Variants in COX16 observed in about 807,000 individuals in gnomAD.
The protein encoded by COX16 is cytochrome c oxidase assembly factor COX16.
A neutral mutation model predicts 15.4 loss-of-function variants in COX16; 12 were observed. The observed-to-expected ratio is 0.78, with a 90% CI of 0.50 to 1.26. The LOEUF (loss-of-function observed/expected upper bound fraction) is 1.26. Ranked by LOEUF, COX16 falls within the 50% of genes most tolerant of loss-of-function variation. The pLI is 0.00. For missense variants in COX16, 124 were observed against 127.6 expected (o/e 0.97, Z 0.14); for synonymous variants, 46 against 41.1 (o/e 1.12, Z -0.46).
At chr14:70,353,084 A>T (rs1887010146) in intron 1 of COX16, among the ~76,000 whole-genome samples, 1 of 151,928 alleles carries the variant, frequency 6.6e-6, no homozygotes, top group Non-Finnish European at 1.5e-5. Flanking sequence ...AATACGGTGA[A>T]ACCCCATCTC....
At chr14:70,331,456 G>A (rs934423882) in intron 2 of COX16, among the ~76,000 whole-genome samples, 2 of 151,884 alleles carry the variant, frequency 1.3e-5, no homozygotes, top group African/African-American at 4.8e-5. Context: ...TGAGCAAGAG[G>A]CCTCAATAGA....
chr14:70,336,829 C>T (rs1477906681), intron 2 of COX16, among the ~76,000 whole-genome samples: 1 of 152,170 alleles, frequency 6.6e-6, no homozygotes, highest in African/African-American at 2.4e-5. Context: ...CTTCCTGTAT[C>T]TTTATTTTCT....
intron 1 of COX16, among the ~76,000 whole-genome samples, chr14:70,353,923 C>G (rs1385050073): frequency 6.6e-6 from 1 of 151,902 alleles, no homozygotes; most frequent in Admixed American, 6.6e-5. Context: ...ACCAACAAAA[C>G]CTTGAGGTTA....
chr14:70,327,672 A>C (rs903942025), intron 3 of COX16, among the ~76,000 whole-genome samples: 57 of 152,332 alleles, frequency 3.7e-4, no homozygotes, highest in African/African-American at 1.3e-3. Flanking sequence ...TTAATAAAGA[A>C]TAATGGCCAT....
intron 1 of COX16, among the ~76,000 whole-genome samples, chr14:70,356,881 G>A (rs1010074979): frequency 3.9e-5 from 6 of 152,086 alleles, no homozygotes; most frequent in African/African-American, 1.4e-4. Context: ...ATCTCAGGAA[G>A]AACAGCTTGG....
intron 1 of COX16, among the ~76,000 whole-genome samples, chr14:70,350,236 G>A (rs1886908888): frequency 1.3e-5 from 2 of 152,232 alleles, no homozygotes; most frequent in Admixed American, 6.5e-5. Context: ...AGAGCCGGCC[G>A]GAAGACACAC....
Position 70,359,644 on chromosome 14 carries a change from T to G in COX16, c.-57A>C. On this transcript the variant is annotated 5_prime_UTR_variant, in exon 1 of 4. Transcript: ENST00000389912. ...AGCGGGCCTAGCGCAGACTCCCAAA[T>G]CTCAGCAGCTCACGCTCTCACCAAG... 1 of 1,483,228 alleles carries G rather than the reference T, an allele frequency of 6.7e-7. No individual in the cohort carries two copies. Among genetic ancestry groups the G allele is most frequent in the Non-Finnish European group, 9.4e-7 (1 of 1,061,746 alleles). 91.9% of individuals were successfully genotyped at this position (1,483,228 alleles called of 1,614,324 possible). A position where few individuals can be genotyped will look rare whatever the true frequency, so the allele number is the denominator to read the frequency against.
intron 2 of COX16, among the ~76,000 whole-genome samples, chr14:70,334,792 G>A (rs920548120): frequency 1.3e-5 from 2 of 152,100 alleles, no homozygotes; most frequent in African/African-American, 4.8e-5. Flanking sequence ...ATGAAAAAAG[G>A]ATGCGAGGAG....
chr14:70,337,274 A>G (rs1886484580), intron 2 of COX16, among the ~76,000 whole-genome samples: 2 of 152,122 alleles, frequency 1.3e-5, no homozygotes, highest in Admixed American at 6.5e-5. Flanking sequence ...CATTATTTAT[A>G]AACAACTATA....
chr14:70,344,650 A>G (rs1309447889), intron 1 of COX16, among the ~76,000 whole-genome samples: 2 of 152,200 alleles, frequency 1.3e-5, no homozygotes, highest in African/African-American at 4.8e-5. Flanking sequence ...AGGGATGAAT[A>G]GTGTAAGATT....
intron 2 of COX16, among the ~76,000 whole-genome samples, chr14:70,337,908 A>C (rs1886504652): frequency 6.6e-6 from 1 of 151,418 alleles, no homozygotes; most frequent in Non-Finnish European, 1.5e-5. Context: ...AAAATAAAGT[A>C]CAAAAAAAAA....
intron 1 of COX16, among the ~76,000 whole-genome samples, chr14:70,356,513 G>A (rs1423125621): frequency 6.6e-6 from 1 of 152,156 alleles, no homozygotes; most frequent in East Asian, 1.9e-4. Context: ...AATGGACTAA[G>A]ACAAACTTGA....
At position 70,358,328 on chromosome 14, in the gene COX16, C is replaced by CAAATATATTA. The variant is rs1315614429; in HGVS notation, c.69+1190_69+1191insTAATATATTT. On this transcript the variant is annotated intron_variant, in intron 1 of 3. Transcript: ENST00000389912. Reference sequence around the variant, plus strand: ...CCATAACTAAGAATATACTAATATACGAATATATTAGTATACTAATATCGA... The same window carrying CAAATATATTA: ...CCATAACTAAGAATATACTAATATACAAATATATTAGAATATATTAGTATACTAATATCGA... Among the ~76,000 whole-genome samples the CAAATATATTA allele has an allele frequency of 5.1e-3, 745 of 146,488 alleles. 7 individuals carry two copies. Among genetic ancestry groups the CAAATATATTA allele is most frequent in the South Asian group, 8.9e-3 (40 of 4,480 alleles).
In COX16 at chr14:70,326,306, A is replaced by G; in HGVS notation, c.*27T>C. The G allele has an allele frequency of 6.9e-7, 1 of 1,442,034 alleles. No homozygotes were observed. The highest frequency in any genetic ancestry group is 9.1e-7 in the Non-Finnish European group (1 of 1,096,482). The allele number at this position is 1,442,034 out of a possible 1,614,324, so 89.3% of individuals were successfully genotyped here. ...TTAATAATATTTTTATTTAAAAAAA[A>G]AAAAAAGGAAAAAAGAATCAGCAGA... On this transcript the variant is annotated 3_prime_UTR_variant, in exon 4 of 4. Coordinates refer to ENST00000389912, the MANE Select transcript of COX16 (RefSeq NM_016468.7).
rs1195178853 is a variant in COX16, at chr14:70,325,614, A to C, written c.*719T>G. On this transcript the variant is annotated 3_prime_UTR_variant, in exon 4 of 4. Coordinates refer to ENST00000389912, the MANE Select transcript of COX16 (RefSeq NM_016468.7). ...CAAAAACACTAGAGGGCAATTTTGC[A>C]TGCAAATTATGCTAAGGCATAATTT... 6.6e-6 allele frequency: 1 copy of C among 152,218 alleles called. No individual in the cohort carries two copies. The highest frequency in any genetic ancestry group is 2.1e-4 in the South Asian group (1 of 4,832). The allele number at this position is 152,218 out of a possible 1,614,324, so 9.4% of individuals were successfully genotyped here. A position where few individuals can be genotyped will look rare whatever the true frequency, so the allele number is the denominator to read the frequency against.
At chr14:70,332,615 T>C (rs972529768) in intron 2 of COX16, among the ~76,000 whole-genome samples, 2 of 152,182 alleles carry the variant, frequency 1.3e-5, no homozygotes, top group East Asian at 1.9e-4. Context: ...CATCCTCTCT[T>C]CTACAGTAGA....
At position 70,325,350 on chromosome 14, in the gene COX16, G is replaced by A. The variant is rs1329042167; in HGVS notation, c.*983C>T. ...TAATCCCAGCAATTTGTGAGGCCGA[G>A]GTGGGCGGATCACAAGGTCAGGAGA... is the stretch of plus-strand genomic sequence containing the variant. On this transcript the variant is annotated 3_prime_UTR_variant, in exon 4 of 4. Coordinates refer to ENST00000389912, the MANE Select transcript of COX16 (RefSeq NM_016468.7). The A allele has an allele frequency of 1.3e-5, 2 of 152,200 alleles. No individual in the cohort carries two copies. The highest frequency in any genetic ancestry group is 6.5e-5 in the Admixed American group (1 of 15,276). 9.4% of individuals were successfully genotyped at this position (152,200 alleles called of 1,614,324 possible). A position where few individuals can be genotyped will look rare whatever the true frequency, so the allele number is the denominator to read the frequency against.
intron 1 of COX16, among the ~76,000 whole-genome samples, chr14:70,348,588 G>A (rs1426833647): frequency 6.6e-6 from 1 of 152,008 alleles, no homozygotes; most frequent in African/African-American, 2.4e-5. Flanking sequence ...ACACACTACT[G>A]AAGCCAATCC....
chr14:70,347,426 C>T (rs1366303429), intron 1 of COX16, among the ~76,000 whole-genome samples: 1 of 152,172 alleles, frequency 6.6e-6, no homozygotes, highest in Admixed American at 6.5e-5. Flanking sequence ...ACCCTGATTC[C>T]CAAAACCTCT....
Sources: gnomAD v4.1 joint callset for allele counts (sites outside exome capture counted in the v4.1 genomes callset) on GRCh38, gnomAD v4.1.1 for gene constraint, MANE v1.5 for transcripts, NCBI Gene and HGNC (gene_info 2026-07-23, HGNC 2026-07-21) for gene names.